Variants in POLR3K observed in about 807,000 individuals in gnomAD.
The protein encoded by POLR3K is DNA-directed RNA polymerase III subunit RPC10.
POLR3K carries 11 observed loss-of-function variants against 13.5 expected under a neutral mutation model. The observed-to-expected ratio is 0.81, with a 90% confidence interval of 0.51 to 1.35. The LOEUF is 1.35. POLR3K is among the 40% of genes most tolerant of loss of function. The probability of loss-of-function intolerance (pLI) is 0.00; values close to 1 mark genes in which losing one functional copy is unlikely to be tolerated. For missense variants in POLR3K, 144 were observed against 145.3 expected (o/e 0.99, Z 0.05); for synonymous variants, 56 against 51.5 (o/e 1.09, Z -0.38).
At chr16:49,415 G>A (rs1251670613) in intron 2 of POLR3K, among the ~76,000 whole-genome samples, 1 of 151,504 alleles carries the variant, frequency 6.6e-6, no homozygotes, top group African/African-American at 2.4e-5. Flanking sequence ...TCTTCAAAGC[G>A]ATTTCACTTT....
chr16:53,600 G>T lies in POLR3K; in HGVS notation c.-14C>A, dbSNP rs746269782. On this transcript the variant is annotated 5_prime_UTR_variant, in exon 1 of 3. Transcript: ENST00000293860. Reference sequence around the variant, plus strand: ...GAACAGCAGCATGGTCTCGAACTCCGCAGGCTCCAACTCCCGGCAGCTCCC... The same window carrying T: ...GAACAGCAGCATGGTCTCGAACTCCTCAGGCTCCAACTCCCGGCAGCTCCC... The T allele has an allele frequency of 5.6e-6, 9 of 1,601,642 alleles. No homozygotes were observed. In the South Asian group the frequency reaches 6.7e-5, roughly 12 times the overall value.
Position 53,579 on chromosome 16 carries a change from A to G in POLR3K, c.8T>C (p.Leu3Pro). Residue 3 changes from leucine to proline, a missense_variant, in exon 1 of 3, where the codon CTG (leucine) becomes CCG (proline). Leu to Pro is a moderately conservative substitution (Grantham distance 98). Coordinates refer to ENST00000293860, the MANE Select transcript of POLR3K (RefSeq NM_016310.5). The part of the protein sequence containing the change: ML[L>P]FCPGCGNGLI... The stretch of plus-strand genomic sequence containing the variant: ...CCCGTTCCCGCAGCCGGGGCAGAAC[A>G]GCAGCATGGTCTCGAACTCCGCAGG... 1 of 1,612,080 alleles carries G rather than the reference A, an allele frequency of 6.2e-7. No homozygotes were observed. The highest frequency in any genetic ancestry group is 8.5e-7 in the Non-Finnish European group (1 of 1,179,268).
At chr16:51,744 G>T in intron 1 of POLR3K, 99 bp from the exon 2 acceptor site, 1 of 968,922 alleles carries the variant, frequency 1.0e-6, no homozygotes, top group Non-Finnish European at 1.6e-6. Context: ...CACTCGGCTG[G>T]GCGTGGTGGC....
rs1024109201 is a variant in POLR3K at position 51,575 on chromosome 16, T to G, written c.182A>C (p.Asn61Thr). 1.9e-6 allele frequency: 3 copies of G among 1,613,990 alleles called. No homozygotes were observed. Among genetic ancestry groups the G allele is most frequent in the Middle Eastern group, 1.6e-4 (1 of 6,062 alleles). ...DVLGGAAAWENVDSTAESCPK... is the reference protein window; with the variant it reads ...DVLGGAAAWETVDSTAESCPK... ...CCTCTTACCTGCAGTAGAGTCAACATTCTCCCAGGCAGCTGCTCCACCAAG... is the reference window on the plus strand; with the variant it reads ...CCTCTTACCTGCAGTAGAGTCAACAGTCTCCCAGGCAGCTGCTCCACCAAG... The change falls in exon 2 of 3, where the codon AAT (asparagine) becomes ACT (threonine). Residue 61 changes from asparagine (N) to threonine (T), a missense_variant. Asn to Thr is a moderately conservative substitution (Grantham distance 65). Transcript: ENST00000293860.
Position 47,457 on chromosome 16 carries a change from A to T in POLR3K, c.300T>A (p.Ala100=). ...PMTTFYKCCN[A]QCGHRWRD is the part of the protein sequence containing the mutation. ...AATCCCTCCAGCGGTGTCCACACTG[A>T]GCATTGCAGCACTTGTAGAAGGTGG... Residue 100 remains alanine (A), a synonymous_variant, in exon 3 of 3, where the codon GCT becomes GCA. Transcript: ENST00000293860. 6.2e-7 allele frequency: 1 copy of T among 1,613,466 alleles called. No homozygotes were observed. Among genetic ancestry groups the T allele is most frequent in the Non-Finnish European group, 8.5e-7 (1 of 1,179,564 alleles).
chr16:47,888 A>G (rs1897298527), intron 2 of POLR3K, among the ~76,000 whole-genome samples: 2 of 79,510 alleles, frequency 2.5e-5, no homozygotes, highest in South Asian at 1.1e-3. Flanking sequence ...TATTACTATA[A>G]TATCTTTTTT....
rs900387153 is a variant in POLR3K, at chr16:46,883, C to T, written c.*547G>A. ...TTGAAATCCCGGTGATTAACATTTT[C>T]GTAGCCTGTTCAAATGTAAGTATGT... On this transcript the variant is annotated 3_prime_UTR_variant, in exon 3 of 3. Transcript: ENST00000293860. 3.3e-5 allele frequency: 5 copies of T among 151,996 alleles called. No individual in the cohort carries two copies. Among genetic ancestry groups the T allele is most frequent in the Admixed American group, 6.6e-5 (1 of 15,256 alleles). 9.4% of individuals were successfully genotyped at this position (151,996 alleles called of 1,614,324 possible). A position where few individuals can be genotyped will look rare whatever the true frequency, so the allele number is the denominator to read the frequency against.
At position 51,465 on chromosome 16, in the gene POLR3K, C is replaced by T. The variant is rs1326781228; in HGVS notation, c.199+93G>A. ...ATTTTCTATTTTTAGAAACCTACAT[C>T]ATTTATATGACATCATAGACTCTGC... On this transcript the variant is annotated intron_variant, in intron 2 of 2. Transcript: ENST00000293860. The T allele has an allele frequency of 4.3e-6, 4 of 927,708 alleles. No individual in the cohort carries two copies. The African/African-American group carries it at 6.7e-5, about 16-fold the overall frequency. 57.5% of individuals were successfully genotyped at this position (927,708 alleles called of 1,614,324 possible). A position where few individuals can be genotyped will look rare whatever the true frequency, so the allele number is the denominator to read the frequency against.
intron 2 of POLR3K, 135 bp downstream of exon 2, chr16:51,423 T>C (rs575709099): frequency 4.2e-6 from 3 of 709,120 alleles, no homozygotes; most frequent in South Asian, 3.8e-5. Context: ...CAAATACAAA[T>C]AAATTATTCA....
intron 2 of POLR3K, among the ~76,000 whole-genome samples, chr16:48,402 A>G (rs1248115431): frequency 6.6e-6 from 1 of 152,230 alleles, no homozygotes; most frequent in Non-Finnish European, 1.5e-5. Context: ...GTAACATGGA[A>G]GGTGACTGTT....
intron 2 of POLR3K, among the ~76,000 whole-genome samples, chr16:49,148 CA>C (rs887039442): frequency 1.4e-5 from 2 of 143,174 alleles, no homozygotes; most frequent in Non-Finnish European, 3.0e-5. Context: ...GACTCCATCT[CA>C]AAAAAAAAGC....
rs1897287156 is a variant in POLR3K, at chr16:46,775, A to G, written c.*655T>C. The G allele has an allele frequency of 6.6e-6, 1 of 151,964 alleles. No individual in the cohort carries two copies. The highest frequency in any genetic ancestry group is 1.5e-5 in the Non-Finnish European group (1 of 67,988). The allele number at this position is 151,964 out of a possible 1,614,324, so 9.4% of individuals were successfully genotyped here. A position where few individuals can be genotyped will look rare whatever the true frequency, so the allele number is the denominator to read the frequency against. ...AATAAATAAATAAATAGTATCTTAT[A>G]CATTTAAAGCAACCCGAGGAAGCAA... On this transcript the variant is annotated 3_prime_UTR_variant, in exon 3 of 3. Transcript: ENST00000293860.
intron 2 of POLR3K, among the ~76,000 whole-genome samples, chr16:50,755 T>C (rs1360402029): frequency 6.6e-6 from 1 of 152,180 alleles, no homozygotes; most frequent in Non-Finnish European, 1.5e-5. Context: ...ACTCCTGACC[T>C]CAAGTGATCT....
chr16:48,107 G>T (rs1207678919), intron 2 of POLR3K, among the ~76,000 whole-genome samples: 5 of 151,260 alleles, frequency 3.3e-5, no homozygotes, highest in Non-Finnish European at 5.9e-5. Context: ...GGCCAGGCTG[G>T]TCTCGAACTC....
chr16:53,449 C>CG (rs11376822), intron 1 of POLR3K, 27 bp downstream of exon 1: 1,581,656 of 1,581,662 alleles, frequency 1, 790,825 homozygotes, highest in Middle Eastern at 1. Context: ...GAGTCGCCCG[C>CG]GCCCAGCGCC....
chr16:53,371 G>A lies in POLR3K; in HGVS notation c.111+105C>T, dbSNP rs1163959325. Reference sequence around the variant, plus strand: ...AGACCAGAAAGGGGCGCGAGAAAGAGCGGACAGAGGCAGACGCCGGGGCTG... The same window carrying A: ...AGACCAGAAAGGGGCGCGAGAAAGAACGGACAGAGGCAGACGCCGGGGCTG... On this transcript the variant is annotated intron_variant, in intron 1 of 2. Transcript: ENST00000293860. The A allele has an allele frequency of 3.4e-6, 5 of 1,457,920 alleles. No homozygotes were observed. In the East Asian group the frequency reaches 1.3e-4, roughly 38 times the overall value. The allele number at this position is 1,457,920 out of a possible 1,614,324, so 90.3% of individuals were successfully genotyped here.
intron 1 of POLR3K, chr16:52,129 C>A (rs1897338330): frequency 6.5e-6 from 1 of 153,470 alleles, no homozygotes; most frequent in South Asian, 2.0e-4. Flanking sequence ...GACGTAGCAC[C>A]AACATATTCT....
chr16:47,895 T>TC lies in POLR3K; in HGVS notation c.200-339_200-338insG, dbSNP rs1281271016. Among the ~76,000 whole-genome samples the TC allele has an allele frequency of 2.2e-4, 31 of 141,154 alleles. 1 individual carries two copies. Among genetic ancestry groups the TC allele is most frequent in the African/African-American group, 7.3e-4 (28 of 38,348 alleles). 92.6% of individuals were successfully genotyped at this position (141,154 alleles called of 152,430 possible). A position where few individuals can be genotyped will look rare whatever the true frequency, so the allele number is the denominator to read the frequency against. Reference sequence around the variant, plus strand: ...AAAGTAGGTATTACTATAATATCTTTTTTTTTTTTTTTTGAGATGGAATCT... The same window carrying TC: ...AAAGTAGGTATTACTATAATATCTTTCTTTTTTTTTTTTTGAGATGGAATCT... On this transcript the variant is annotated intron_variant, in intron 2 of 2. Transcript: ENST00000293860.
chr16:48,789 C>T (rs1897305833), intron 2 of POLR3K, among the ~76,000 whole-genome samples: 1 of 148,652 alleles, frequency 6.7e-6, no homozygotes, highest in South Asian at 2.1e-4. Flanking sequence ...CCAGCTTGGG[C>T]AACAGAGTGA....
Sources: allele counts gnomAD v4.1 joint callset (sites outside exome capture counted in the v4.1 genomes callset), GRCh38; gene constraint gnomAD v4.1.1; transcripts MANE v1.5; gene names NCBI Gene and HGNC (gene_info 2026-07-23, HGNC 2026-07-21).